Variants in PDILT observed in about 807,000 individuals in gnomAD.
PDILT encodes protein disulfide isomerase like, testis expressed.
In PDILT, 43 loss-of-function variants were observed where a neutral mutation model predicts 53.7. The ratio of observed to expected loss-of-function variants is 0.80; its 90% CI spans 0.63 to 1.03. The LOEUF is 1.03. Among genes scored for constraint, PDILT ranks in the 50% least tolerant of loss-of-function variants. The pLI, the probability that PDILT is intolerant of heterozygous loss-of-function variation, is 0.00. For synonymous variants in PDILT, 282 were observed against 274.2 expected (o/e 1.03, Z -0.28); for missense variants, 727 against 712.3 (o/e 1.02, Z -0.24).
At position 20,367,044 on chromosome 16, in the gene PDILT, T is replaced by TTTCG. The variant is rs1966214799; in HGVS notation, c.1117-1505_1117-1504insCGAA. Among the ~76,000 whole-genome samples, 5 of 47,764 alleles carry TTTCG rather than the reference T, an allele frequency of 1.0e-4. 1 individual carries two copies. The Middle Eastern group carries it at 0.037, about 354-fold the overall frequency. 31.3% of individuals were successfully genotyped at this position (47,764 alleles called of 152,430 possible). On this transcript the variant is annotated intron_variant, in intron 8 of 11. Transcript: ENST00000302451. ...TCTTTCTTCTTTCTTTCTTTCTTTCTTTCTTTCTTTCTTTCTTTCTTTCTT... is the reference window on the plus strand; with the variant it reads ...TCTTTCTTCTTTCTTTCTTTCTTTCTTTCGTTCTTTCTTTCTTTCTTTCTTTCTT...
intron 8 of PDILT, among the ~76,000 whole-genome samples, chr16:20,368,047 C>G (rs1022347629): frequency 3.3e-5 from 5 of 152,070 alleles, no homozygotes; most frequent in African/African-American, 1.2e-4. Context: ...GAAATGGGAT[C>G]AGGAGGGTGA....
At chr16:20,396,402 T>G (rs1020330429) in intron 2 of PDILT, among the ~76,000 whole-genome samples, 3 of 152,204 alleles carry the variant, frequency 2.0e-5, no homozygotes, top group African/African-American at 4.8e-5. Flanking sequence ...TGGCATGAGG[T>G]CTTTGATTAA....
Position 20,383,540 on chromosome 16 carries a change from T to C in PDILT, c.409+1105A>G, listed in dbSNP as rs571028516. Among the ~76,000 whole-genome samples, 10 of 151,098 alleles carry C rather than the reference T, an allele frequency of 6.6e-5. 1 individual carries two copies. The South Asian group carries it at 1.9e-3, about 29-fold the overall frequency. On this transcript the variant is annotated intron_variant, in intron 3 of 11. Transcript: ENST00000302451. ...CCCTTAGGTGATTGCTCCGAGGTTC[T>C]CTTGTGGCGCCTTTCTCTGGGTCTA... is the stretch of plus-strand genomic sequence containing the variant.
rs886372883 is a variant in PDILT, at chr16:20,384,632, C to G, written c.409+13G>C. On this transcript the variant is annotated intron_variant, in intron 3 of 11. Transcript: ENST00000302451. ...ATGAGCATGAAACAAGTGTGACACA[C>G]AAGCACCATTACCTTTGCAGCTGAT... is the stretch of plus-strand genomic sequence containing the variant. 6.2e-7 allele frequency: 1 copy of G among 1,614,000 alleles called. No individual in the cohort carries two copies.
intron 3 of PDILT, among the ~76,000 whole-genome samples, chr16:20,379,200 A>G (rs1966427144): frequency 3.9e-5 from 6 of 151,972 alleles, no homozygotes; most frequent in Admixed American, 3.9e-4. Context: ...TTTGAGACAG[A>G]GTCTTGCTCT....
At position 20,388,595 on chromosome 16, in the gene PDILT, T is replaced by A. The variant is rs11640669; in HGVS notation, c.203-3744A>T. Among the ~76,000 whole-genome samples the A allele has an allele frequency of 5.3e-3, 810 of 152,316 alleles. 16 individuals are homozygous for A. The South Asian group carries it at 0.061, about 12-fold the overall frequency. ...CACTCTTTAAAATTTAGAGTCCGAT[T>A]TTCTGGCTTCTTTCTTTAAAAATTT... On this transcript the variant is annotated intron_variant, in intron 2 of 11. Transcript: ENST00000302451.
chr16:20,366,850 C>A (rs752614481), intron 8 of PDILT, among the ~76,000 whole-genome samples: 1 of 152,136 alleles, frequency 6.6e-6, no homozygotes, highest in Non-Finnish European at 1.5e-5. Flanking sequence ...CCTCCCAATC[C>A]TCCCACACCT....
At chr16:20,363,043 G>A (rs1966129648) in intron 9 of PDILT, among the ~76,000 whole-genome samples, 1 of 119,818 alleles carries the variant, frequency 8.3e-6, no homozygotes, top group Admixed American at 1.1e-4. Flanking sequence ...CTGCACTCGA[G>A]TCTGGGTGAC....
At chr16:20,379,251 C>A (rs762844165) in intron 3 of PDILT, among the ~76,000 whole-genome samples, 1 of 151,946 alleles carries the variant, frequency 6.6e-6, no homozygotes, top group Non-Finnish European at 1.5e-5. Context: ...CTTGGCTCAC[C>A]GTACCTCTGC....
At position 20,382,062 on chromosome 16, in the gene PDILT, C is replaced by G. The variant is rs570423848; in HGVS notation, c.409+2583G>C. Among the ~76,000 whole-genome samples, 14 of 152,186 alleles carry G rather than the reference C, an allele frequency of 9.2e-5. No homozygotes were observed. The South Asian group carries it at 2.9e-3, about 32-fold the overall frequency. Reference sequence around the variant, plus strand: ...TACAGGTATCTGCCACCACACCTGGCTAAGTTTTAAGGTTTTTGTAGAGAC... The same window carrying G: ...TACAGGTATCTGCCACCACACCTGGGTAAGTTTTAAGGTTTTTGTAGAGAC... On this transcript the variant is annotated intron_variant, in intron 3 of 11. Coordinates refer to ENST00000302451, the MANE Select transcript of PDILT (RefSeq NM_174924.2).
chr16:20,368,607 G>T (rs1377120184), intron 8 of PDILT, among the ~76,000 whole-genome samples: 3 of 110,078 alleles, frequency 2.7e-5, no homozygotes, highest in Non-Finnish European at 4.7e-5. Context: ...TTTTTGGGGG[G>T]GTGGTGCTGG....
intron 2 of PDILT, chr16:20,386,055 G>A (rs921014874): frequency 6.6e-6 from 1 of 152,114 alleles, no homozygotes; most frequent in African/African-American, 2.4e-5. Flanking sequence ...GATAGGGGAG[G>A]TTGTGGTGTT....
At chr16:20,393,823 A>G (rs890991560) in intron 2 of PDILT, among the ~76,000 whole-genome samples, 36 of 152,350 alleles carry the variant, frequency 2.4e-4, no homozygotes, top group African/African-American at 8.7e-4. Flanking sequence ...AGGAAAAATC[A>G]CAACTCAGCT....
intron 1 of PDILT, among the ~76,000 whole-genome samples, chr16:20,401,495 G>A (rs113582451): frequency 5.9e-5 from 9 of 152,252 alleles, no homozygotes; most frequent in South Asian, 2.1e-4. Flanking sequence ...ACCCAGAACC[G>A]TCCTAGGCCT....
rs1316468746 is a variant in PDILT, at chr16:20,362,496, T to C, written c.1324A>G (p.Ile442Val). The C allele has an allele frequency of 5.0e-6, 8 of 1,614,048 alleles. No homozygotes were observed. Among genetic ancestry groups the C allele is most frequent in the Non-Finnish European group, 5.9e-6 (7 of 1,180,028 alleles). Residue 442 changes from isoleucine to valine, a missense_variant, in exon 10 of 12, where the codon ATT becomes GTT. Coordinates refer to ENST00000302451, the MANE Select transcript of PDILT (RefSeq NM_174924.2). ...TTTGCTGTGACATCGATCTTGGCAA[T>C]GATAATTGTGGAGTGGTTTTGATAT... ...RKYQNHSTII[I>V]AKIDVTANDI...
intron 9 of PDILT, among the ~76,000 whole-genome samples, chr16:20,363,459 G>A (rs893511498): frequency 8.4e-5 from 10 of 118,398 alleles, no homozygotes; most frequent in African/African-American, 1.6e-4. Flanking sequence ...GTGTGTGTGT[G>A]TTTTTGTGTA....
intron 9 of PDILT, among the ~76,000 whole-genome samples, chr16:20,365,119 C>T (rs1966170503): frequency 6.6e-6 from 1 of 152,182 alleles, no homozygotes; most frequent in South Asian, 2.1e-4. Flanking sequence ...TAGAATAAAG[C>T]CCAATATACT....
At chr16:20,375,479 C>A (rs1297335335) in intron 4 of PDILT, among the ~76,000 whole-genome samples, 2 of 151,988 alleles carry the variant, frequency 1.3e-5, no homozygotes, top group East Asian at 1.9e-4. Flanking sequence ...CAACTTATAG[C>A]AAAAGAATTA....
At chr16:20,367,770 C>T (rs1048082475) in intron 8 of PDILT, among the ~76,000 whole-genome samples, 2 of 152,136 alleles carry the variant, frequency 1.3e-5, no homozygotes, top group Non-Finnish European at 2.9e-5. Context: ...TAAAAATGAA[C>T]ACACTAACTG....
Sources: gnomAD v4.1 joint callset for allele counts (sites outside exome capture counted in the v4.1 genomes callset) on GRCh38, gnomAD v4.1.1 for gene constraint, MANE v1.5 for transcripts, NCBI Gene and HGNC (gene_info 2026-07-23, HGNC 2026-07-21) for gene names.